The following CHTF8 variants were observed in gnomAD, a reference collection of about 807,000 sequenced individuals.
CHTF8 encodes chromosome transmission fidelity factor 8.
A neutral mutation model predicts 11.0 loss-of-function variants in CHTF8; 6 were observed. That is an observed-to-expected ratio of 0.55 (90% CI 0.30 to 1.08). The LOEUF (loss-of-function observed/expected upper bound fraction) is 1.08, where lower values mean the gene tolerates loss of function less well. CHTF8 is among the 50% of genes least tolerant of loss of function. CHTF8 has a pLI of 0.07. For synonymous variants in CHTF8, 53 were observed against 60.5 expected (o/e 0.88, Z 0.57); for missense variants, 140 against 153.1 (o/e 0.91, Z 0.45).
Position 69,129,367 on chromosome 16 carries a change from T to C in CHTF8, c.-36+3117A>G, listed in dbSNP as rs1237110125. On this transcript the variant is annotated intron_variant, in intron 1 of 3. Coordinates refer to ENST00000448552, the MANE Select transcript of CHTF8 (RefSeq NM_001039690.5). ...ATGGCGTGAACCCAGGAGGCAGAGG[T>C]TGCAGTGAGCCGACATCACGCCACT... Among the ~76,000 whole-genome samples, 3 of 145,046 alleles carry C rather than the reference T, an allele frequency of 2.1e-5. No individual in the cohort carries two copies. The South Asian group carries it at 6.4e-4, about 31-fold the overall frequency.
At position 69,118,173 on chromosome 16, in the gene CHTF8, TGA is replaced by T; in HGVS notation, c.*2250_*2251del. On this transcript the variant is annotated 3_prime_UTR_variant, in exon 4 of 4. Coordinates refer to ENST00000448552, the MANE Select transcript of CHTF8 (RefSeq NM_001039690.5). ...TTCCCATCCACATCAGTTTAAATTT[TGA>T]GGTTCTTTGATTGATTGGGAGTACC... The T allele has an allele frequency of 1.7e-6, 1 of 583,098 alleles. No individual in the cohort carries two copies. The highest frequency in any genetic ancestry group is 3.1e-6 in the Non-Finnish European group (1 of 326,868). The allele number at this position is 583,098 out of a possible 1,614,324, so 36.1% of individuals were successfully genotyped here. A position where few individuals can be genotyped will look rare whatever the true frequency, so the allele number is the denominator to read the frequency against.
At chr16:69,127,729 C>T (rs1207882692) in intron 1 of CHTF8, among the ~76,000 whole-genome samples, 1 of 151,020 alleles carries the variant, frequency 6.6e-6, no homozygotes. Flanking sequence ...CCTGCCTCAG[C>T]CTCCCAAGTA....
At chr16:69,130,501 T>C (rs549573230) in intron 1 of CHTF8, among the ~76,000 whole-genome samples, 2 of 152,356 alleles carry the variant, frequency 1.3e-5, no homozygotes, top group South Asian at 2.1e-4. Context: ...TTTACGAATA[T>C]AGTGAAGCAC....
rs1277769754 is a variant in CHTF8 at position 69,131,537 on chromosome 16, G to C, written c.-36+947C>G. On this transcript the variant is annotated intron_variant, in intron 1 of 3. Transcript: ENST00000448552. ...CTCTCGGCCCCCTCCCACCCTTTCTGCTAGAGCTACAAACACTTCCTATTT... is the reference window on the plus strand; with the variant it reads ...CTCTCGGCCCCCTCCCACCCTTTCTCCTAGAGCTACAAACACTTCCTATTT... 5.5e-5 allele frequency: 7 copies of C among 128,192 alleles called. No individual in the cohort carries two copies. The East Asian group carries it at 1.1e-3, about 21-fold the overall frequency. The allele number at this position is 128,192 out of a possible 1,614,324, so 7.9% of individuals were successfully genotyped here.
At chr16:69,127,151 T>C (rs899281703) in intron 1 of CHTF8, among the ~76,000 whole-genome samples, 6 of 151,612 alleles carry the variant, frequency 4.0e-5, no homozygotes, top group African/African-American at 1.2e-4. Context: ...GACAGGAGAA[T>C]TGCTTGAACC....
chr16:69,121,617 A>G (rs1252598450), intron 1 of CHTF8, 124 bp from the exon 2 acceptor site: 10 of 580,970 alleles, frequency 1.7e-5, no homozygotes, highest in South Asian at 1.1e-4. Context: ...AGCTGGGAAT[A>G]CAGGCACCCA....
At chr16:69,127,906 G>A (rs1344949547) in intron 1 of CHTF8, among the ~76,000 whole-genome samples, 2 of 150,608 alleles carry the variant, frequency 1.3e-5, no homozygotes, top group Non-Finnish European at 3.0e-5. Context: ...CACCGTGCCC[G>A]GCCAAATTTC....
Position 69,119,068 on chromosome 16 carries a change from G to A in CHTF8, c.*1357C>T. 1.4e-6 allele frequency: 1 copy of A among 703,064 alleles called. No homozygotes were observed. The highest frequency in any genetic ancestry group is 2.6e-6 in the Non-Finnish European group (1 of 385,024). The allele number at this position is 703,064 out of a possible 1,614,324, so 43.6% of individuals were successfully genotyped here. A position where few individuals can be genotyped will look rare whatever the true frequency, so the allele number is the denominator to read the frequency against. On this transcript the variant is annotated 3_prime_UTR_variant, in exon 4 of 4. Transcript: ENST00000448552. ...AGCTGGGTTGATACCCACAGGGCCA[G>A]CTGGAGAAGGGCCCAGATGCCCGGC...
At position 69,118,371 on chromosome 16, in the gene CHTF8, T is replaced by C. The variant is rs1350441169; in HGVS notation, c.*2054A>G. On this transcript the variant is annotated 3_prime_UTR_variant, in exon 4 of 4. Coordinates refer to ENST00000448552, the MANE Select transcript of CHTF8 (RefSeq NM_001039690.5). ...GTGTTCAAGCCCCCAGGGAAAGGTA[T>C]GGCAGTAGAGGATGACCAGGTCCAA... is the stretch of plus-strand genomic sequence containing the variant. 1.9e-6 allele frequency: 3 copies of C among 1,609,046 alleles called. No homozygotes were observed. In the African/African-American group the frequency reaches 4.0e-5, roughly 21 times the overall value.
chr16:69,123,474 C>T (rs149952648), intron 1 of CHTF8, among the ~76,000 whole-genome samples: 4,767 of 151,738 alleles, frequency 0.031, 106 homozygotes, highest in Non-Finnish European at 0.042. Flanking sequence ...CTGGCCAACA[C>T]GGTGAAACCC....
chr16:69,120,559 G>A lies in CHTF8; in HGVS notation c.232C>T (p.Pro78Ser), dbSNP rs1251945225. Reference sequence around the variant, plus strand: ...AGCTCATCACAGTCCTGATCCCCAGGAGTGTGTTTGACAAGGACTGCAAAA... The same window carrying A: ...AGCTCATCACAGTCCTGATCCCCAGAAGTGTGTTTGACAAGGACTGCAAAA... Reference protein sequence around the residue: ...KPFAVLVKHTPGDQDCDELGR... With the variant: ...KPFAVLVKHTSGDQDCDELGR... The change falls in exon 4 of 4, where the codon CCT (proline) becomes TCT (serine). Residue 78 changes from proline (P) to serine (S), a missense_variant. Physicochemically the swap from Pro to Ser is moderately conservative, Grantham distance 74. Coordinates refer to ENST00000448552, the MANE Select transcript of CHTF8 (RefSeq NM_001039690.5). The surrounding 1 kb of genome is among the most constrained non-coding windows in gnomAD (Gnocchi z 4.0). 2 of 1,614,048 alleles carry A rather than the reference G, an allele frequency of 1.2e-6. No individual in the cohort carries two copies. Among genetic ancestry groups the A allele is most frequent in the Non-Finnish European group, 8.5e-7 (1 of 1,180,036 alleles).
In CHTF8 at chr16:69,118,982, C is replaced by T. The variant is rs1414933281; in HGVS notation, c.*1443G>A. On this transcript the variant is annotated 3_prime_UTR_variant, in exon 4 of 4. Coordinates refer to ENST00000448552, the MANE Select transcript of CHTF8 (RefSeq NM_001039690.5). The stretch of plus-strand genomic sequence containing the variant: ...GGGACGAAACTCTTGCCTGCAGGGC[C>T]ATTCATCCTTGGAAAGGAAGCTGGG... The T allele has an allele frequency of 2.8e-6, 2 of 703,056 alleles. No individual in the cohort carries two copies. 43.6% of individuals were successfully genotyped at this position (703,056 alleles called of 1,614,324 possible). A position where few individuals can be genotyped will look rare whatever the true frequency, so the allele number is the denominator to read the frequency against.
chr16:69,121,226 G>T, intron 2 of CHTF8, 56 bp from the exon 3 acceptor site: 1 of 1,500,632 alleles, frequency 6.7e-7, no homozygotes, highest in Non-Finnish European at 9.2e-7. Flanking sequence ...GATGAATAGT[G>T]TCCTCACACC....
intron 1 of CHTF8, chr16:69,132,014 G>A (rs988347097): frequency 1.0e-4 from 16 of 153,120 alleles, no homozygotes; most frequent in Admixed American, 5.2e-4. Context: ...CTAGGTTCCA[G>A]TTCTACTCCG....
Position 69,121,467 on chromosome 16 carries a change from T to C in CHTF8, c.-9A>G, listed in dbSNP as rs754165889. 1 of 1,599,208 alleles carries C rather than the reference T, an allele frequency of 6.3e-7. No homozygotes were observed. Among genetic ancestry groups the C allele is most frequent in the Non-Finnish European group, 8.5e-7 (1 of 1,176,026 alleles). Reference sequence around the variant, plus strand: ...ATAACAATTTGCACCATGAGCTTTCTGTCTTTAAAAAGCAAGTGAAAACAA... The same window carrying C: ...ATAACAATTTGCACCATGAGCTTTCCGTCTTTAAAAAGCAAGTGAAAACAA... On this transcript the variant is annotated 5_prime_UTR_variant, in exon 2 of 4. Transcript: ENST00000448552.
chr16:69,118,498 G>C lies in CHTF8; in HGVS notation c.*1927C>G. 1 of 1,250,350 alleles carries C rather than the reference G, an allele frequency of 8.0e-7. No individual in the cohort carries two copies. Among genetic ancestry groups the C allele is most frequent in the Non-Finnish European group, 1.2e-6 (1 of 847,182 alleles). 77.5% of individuals were successfully genotyped at this position (1,250,350 alleles called of 1,614,324 possible). ...CAATGGTGAGCAGGGGACTACATGTGAACTGGGACCTGCAGGCCAATGTAT... is the reference window on the plus strand; with the variant it reads ...CAATGGTGAGCAGGGGACTACATGTCAACTGGGACCTGCAGGCCAATGTAT... On this transcript the variant is annotated 3_prime_UTR_variant, in exon 4 of 4. Transcript: ENST00000448552.
intron 1 of CHTF8, among the ~76,000 whole-genome samples, chr16:69,123,672 T>C (rs1961846039): frequency 1.3e-5 from 2 of 151,976 alleles, no homozygotes; most frequent in Non-Finnish European, 2.9e-5. Context: ...AATCAATAAA[T>C]CCAAGGGAAC....
At chr16:69,121,608 G>C (rs1961669359) in intron 1 of CHTF8, 115 bp from the exon 2 acceptor site, 1 of 607,836 alleles carries the variant, frequency 1.6e-6, no homozygotes. Context: ...CTCCCGAGTA[G>C]CTGGGAATAC....
intron 1 of CHTF8, among the ~76,000 whole-genome samples, chr16:69,124,185 TG>T (rs1961895168): frequency 6.6e-6 from 1 of 152,162 alleles, no homozygotes; most frequent in Non-Finnish European, 1.5e-5. Context: ...TGGAGTACTT[TG>T]TAAGAACTGG....
Sources: gnomAD v4.1 joint callset for allele counts (sites outside exome capture counted in the v4.1 genomes callset) on GRCh38, gnomAD v4.1.1 for gene constraint, Gnocchi (gnomAD v3.1) non-coding constraint, MANE v1.5 for transcripts, NCBI Gene and HGNC (gene_info 2026-07-23, HGNC 2026-07-21) for gene names.